The following CNGA1 variants were observed in gnomAD, a reference collection of about 807,000 sequenced individuals.
The protein encoded by CNGA1 is cyclic nucleotide gated channel subunit alpha 1, also known as cyclic nucleotide-gated channel alpha-1.
A neutral mutation model predicts 69.7 loss-of-function variants in CNGA1; 53 were observed. That is an observed-to-expected ratio of 0.76 (90% CI 0.61 to 0.96). CNGA1 has a LOEUF of 0.96. Ranked by LOEUF, CNGA1 falls within the 40% of genes least tolerant of loss-of-function variation. The pLI is 0.00. For missense variants in CNGA1, 739 were observed against 811.2 expected (o/e 0.91, Z 1.08); for synonymous variants, 249 against 283.5 (o/e 0.88, Z 1.22).
At chr4:47,947,116 G>A (rs113794281) in intron 6 of CNGA1, among the ~76,000 whole-genome samples, 4 of 151,994 alleles carry the variant, frequency 2.6e-5, no homozygotes, top group Admixed American at 6.6e-5. Context: ...TCATTTCCAC[G>A]TTGGAAATTT....
At chr4:47,996,646 T>G (rs576314412) in intron 2 of CNGA1, among the ~76,000 whole-genome samples, 1 of 152,288 alleles carries the variant, frequency 6.6e-6, no homozygotes, top group African/African-American at 2.4e-5. Context: ...TTCATTGTAA[T>G]TGTATTAAGT....
At chr4:47,973,497 C>T (rs1741159606) in intron 3 of CNGA1, among the ~76,000 whole-genome samples, 1 of 152,172 alleles carries the variant, frequency 6.6e-6, no homozygotes. Flanking sequence ...TTCCTGTATG[C>T]TAGTGGTTTC....
At chr4:47,979,786 C>A (rs1741602907) in intron 3 of CNGA1, among the ~76,000 whole-genome samples, 1 of 152,012 alleles carries the variant, frequency 6.6e-6, no homozygotes, top group African/African-American at 2.4e-5. Context: ...TTTACCCAAA[C>A]TTTTTAGTTT....
chr4:48,004,129 A>G (rs112854162), intron 2 of CNGA1, among the ~76,000 whole-genome samples: 620 of 130,086 alleles, frequency 4.8e-3, no homozygotes, highest in Non-Finnish European at 5.8e-3. Flanking sequence ...AAGCAGAAAT[A>G]ATAATGTAAG....
At chr4:48,004,224 G>A (rs1714795165) in intron 2 of CNGA1, among the ~76,000 whole-genome samples, 1 of 152,184 alleles carries the variant, frequency 6.6e-6, no homozygotes, top group African/African-American at 2.4e-5. Flanking sequence ...TGACCCATGT[G>A]GCCTTACCTA....
intron 3 of CNGA1, chr4:47,971,092 A>G (rs1399393069): frequency 2.2e-6 from 1 of 454,220 alleles, no homozygotes; most frequent in Non-Finnish European, 4.4e-6. Flanking sequence ...GCGAAGAGCG[A>G]GACTCCATCT....
chr4:47,974,571 A>C (rs1741245977), intron 3 of CNGA1, among the ~76,000 whole-genome samples: 1 of 152,270 alleles, frequency 6.6e-6, no homozygotes, highest in South Asian at 2.1e-4. Context: ...TGGTCAAAGG[A>C]TACAATGTTT....
chr4:47,936,714 T>C lies in CNGA1; in HGVS notation c.1768A>G (p.Met590Val), dbSNP rs375049806. The C allele has an allele frequency of 1.0e-4, 162 of 1,614,078 alleles. No homozygotes were observed. The highest frequency in any genetic ancestry group is 1.3e-4 in the Non-Finnish European group (158 of 1,180,048). ...ALTEYPDAKT[M>V]LEEKGKQILM... is the part of the protein sequence containing the mutation. ...ATCTGCTTCCCTTTCTCTTCCAGCA[T>C]AGTTTTGGCATCTGGGTACTCAGTT... is the stretch of plus-strand genomic sequence containing the variant. The change falls in exon 11 of 11, where the codon ATG becomes GTG. Residue 590 changes from methionine to valine, a missense_variant. By Grantham distance (21) the Met-to-Val change is conservative (BLOSUM62 1). Coordinates refer to ENST00000514170, the MANE Select transcript of CNGA1 (RefSeq NM_001379270.1).
At chr4:47,987,154 T>C (rs1308328889) in intron 2 of CNGA1, among the ~76,000 whole-genome samples, 1 of 152,182 alleles carries the variant, frequency 6.6e-6, no homozygotes, top group African/African-American at 2.4e-5. Flanking sequence ...CTTTTAATCT[T>C]GTTCCCTGTC....
intron 3 of CNGA1, among the ~76,000 whole-genome samples, chr4:47,979,393 T>C (rs558540697): frequency 6.6e-6 from 1 of 152,006 alleles, no homozygotes; most frequent in South Asian, 2.1e-4. Context: ...ATTTCTACTT[T>C]AAGGATATGT....
chr4:47,936,580 T>G lies in CNGA1; in HGVS notation c.1902A>C (p.Gln634His). 2 of 1,614,212 alleles carry G rather than the reference T, an allele frequency of 1.2e-6. No homozygotes were observed. Among genetic ancestry groups the G allele is most frequent in the Non-Finnish European group, 1.7e-6 (2 of 1,180,030 alleles). ...TRMEGSVDLL[Q>H]TRFARILAEY... The stretch of plus-strand genomic sequence containing the variant: ...CAGCCAAGATTCGGGCAAACCTGGT[T>G]TGCAGGAGGTCTACTGACCCCTCCA... The change falls in exon 11 of 11, where the codon CAA (glutamine) becomes CAC (histidine). Residue 634 changes from glutamine (Q) to histidine (H), a missense_variant. By Grantham distance (24) the Gln-to-His change is conservative (BLOSUM62 0). Coordinates refer to ENST00000514170, the MANE Select transcript of CNGA1 (RefSeq NM_001379270.1).
In CNGA1 at chr4:48,011,658, G is replaced by A. The variant is rs182433055; in HGVS notation, c.-222-765C>T. Among the ~76,000 whole-genome samples the A allele has an allele frequency of 1.6e-3, 240 of 152,262 alleles. 1 individual carries two copies. Among genetic ancestry groups the A allele is most frequent in the African/African-American group, 5.5e-3 (228 of 41,542 alleles). On this transcript the variant is annotated intron_variant, in intron 1 of 10. Coordinates refer to ENST00000514170, the MANE Select transcript of CNGA1 (RefSeq NM_001379270.1). ...GTCAGGGTGAGGCTTGGTTTTACAC[G>A]TTTTAGAGAGGCACAAGACATCAAT...
chr4:47,975,279 T>C (rs536768434), intron 3 of CNGA1, among the ~76,000 whole-genome samples: 2 of 152,332 alleles, frequency 1.3e-5, no homozygotes, highest in East Asian at 1.9e-4. Context: ...TGTTGCTATG[T>C]TGCCCCAGCA....
intron 3 of CNGA1, chr4:47,970,762 C>T (rs1193254067): frequency 5.1e-6 from 2 of 391,526 alleles, no homozygotes; most frequent in Non-Finnish European, 1.0e-5. Flanking sequence ...TTCTTCCTAC[C>T]TCTGGTACCT....
intron 2 of CNGA1, among the ~76,000 whole-genome samples, chr4:48,006,580 G>A (rs1714927331): frequency 6.6e-6 from 1 of 151,882 alleles, no homozygotes. Flanking sequence ...TGACATTAGG[G>A]AACCTATTAA....
chr4:47,962,393 C>G (rs1024150512), intron 3 of CNGA1, among the ~76,000 whole-genome samples: 1 of 147,774 alleles, frequency 6.8e-6, no homozygotes, highest in Non-Finnish European at 1.5e-5. Context: ...GTTGGAAGTA[C>G]CAGGTTGAAT....
At chr4:48,002,472 T>A (rs1358874569) in intron 2 of CNGA1, among the ~76,000 whole-genome samples, 1 of 152,036 alleles carries the variant, frequency 6.6e-6, no homozygotes, top group Non-Finnish European at 1.5e-5. Context: ...TGTACTCAAA[T>A]GATCTCCTCC....
chr4:47,946,165 C>T (rs1020970306), intron 6 of CNGA1, among the ~76,000 whole-genome samples: 1 of 152,162 alleles, frequency 6.6e-6, no homozygotes, highest in African/African-American at 2.4e-5. Context: ...AGACCTAATG[C>T]ATGCAGGGGT....
At chr4:47,939,013 GA>G (rs1200084168) in intron 10 of CNGA1, among the ~76,000 whole-genome samples, 1 of 147,734 alleles carries the variant, frequency 6.8e-6, no homozygotes, top group African/African-American at 2.5e-5. Flanking sequence ...GAAAGAAAGA[GA>G]AAGAAGAAAG....
Sources: allele counts gnomAD v4.1 joint callset (sites outside exome capture counted in the v4.1 genomes callset), GRCh38; gene constraint gnomAD v4.1.1; transcripts MANE v1.5; gene names NCBI Gene and HGNC (gene_info 2026-07-23, HGNC 2026-07-21).